Variants in TNMD observed in about 807,000 individuals in gnomAD.
The protein encoded by TNMD is BRICHOS domain containing 4.
In TNMD, 15 loss-of-function variants were observed where a neutral mutation model predicts 26.9. The observed-to-expected ratio is 0.56, with a 90% CI of 0.37 to 0.86. The LOEUF (loss-of-function observed/expected upper bound fraction) is 0.86. TNMD is among the 40% of genes least tolerant of loss of function. TNMD has a pLI of 0.00. For missense variants in TNMD, 222 were observed against 242.6 expected (o/e 0.92, Z 0.56); for synonymous variants, 73 against 77.0 (o/e 0.95, Z 0.27).
At chrX:100,589,219 G>A (rs1168990202) in intron 2 of TNMD, among the ~76,000 whole-genome samples, 1 of 110,757 alleles carries the variant, frequency 9.0e-6, no homozygotes, top group Non-Finnish European at 1.9e-5. Context: ...AGGTCCCCTG[G>A]GCTTTCCTAC....
Position 100,599,555 on chromosome X carries a change from T to C in TNMD, c.792T>C (p.Tyr264=). The C allele has an allele frequency of 8.3e-7, 1 of 1,210,474 alleles. No homozygotes were observed. The highest frequency in any genetic ancestry group is 1.1e-6 in the Non-Finnish European group (1 of 894,992). Residue 264 remains tyrosine (Y), a synonymous_variant, in exon 7 of 7, where the codon TAT becomes TAC. Coordinates refer to ENST00000373031, the MANE Select transcript of TNMD (RefSeq NM_022144.3). ...ATCCCATGCTGGATGAGAGAGGTTATTGTTGTATTTACTGCCGTCGAGGCA... is the reference window on the plus strand; with the variant it reads ...ATCCCATGCTGGATGAGAGAGGTTACTGTTGTATTTACTGCCGTCGAGGCA... ...EFDPMLDERG[Y]CCIYCRRGNR... is the part of the protein sequence containing the mutation.
Position 100,588,062 on chromosome X carries a change from C to T in TNMD, c.180+2700C>T, listed in dbSNP as rs186089429. Among the ~76,000 whole-genome samples, 9 of 111,776 alleles carry T rather than the reference C, an allele frequency of 8.1e-5. No homozygotes were observed. In the East Asian group the frequency reaches 1.1e-3, roughly 14 times the overall value. The stretch of plus-strand genomic sequence containing the variant: ...GTGTTTGCTCTCCTAGCCTCCACCA[C>T]GCCTCCTTTTTATTTTGTCTTTCAA... On this transcript the variant is annotated intron_variant, in intron 2 of 6. Transcript: ENST00000373031.
chrX:100,586,023 G>A (rs986769984), intron 2 of TNMD, among the ~76,000 whole-genome samples: 2 of 111,954 alleles, frequency 1.8e-5, no homozygotes, highest in Non-Finnish European at 3.8e-5. Flanking sequence ...GGGTCATTTG[G>A]TGAAGCTTGG....
rs757895293 is a variant in TNMD at position 100,599,070 on chromosome X, A to G, written c.632A>G (p.Asn211Ser). Residue 211 changes from asparagine to serine, a missense_variant, in exon 6 of 7, where the codon AAC becomes AGC. Coordinates refer to ENST00000373031, the MANE Select transcript of TNMD (RefSeq NM_022144.3). Reference sequence around the variant, plus strand: ...GGAGAAGATCTTCACTTTCCTGCCAACGAAAAAAAAGGGATTGAACAAAAT... The same window carrying G: ...GGAGAAGATCTTCACTTTCCTGCCAGCGAAAAAAAAGGGATTGAACAAAAT... ...EEGEDLHFPA[N>S]EKKGIEQNEQ... is the part of the protein sequence containing the mutation. The G allele has an allele frequency of 2.5e-6, 3 of 1,205,964 alleles. No individual in the cohort carries two copies. The highest frequency in any genetic ancestry group is 3.6e-5 in the South Asian group (2 of 55,868).
At chrX:100,599,205 C>T in intron 6 of TNMD, 23 bp downstream of exon 6, 1 of 1,129,633 alleles carries the variant, frequency 8.9e-7, no homozygotes, top group Non-Finnish European at 1.2e-6. Context: ...TATGTAAACT[C>T]TTGATAGAGG....
intron 2 of TNMD, among the ~76,000 whole-genome samples, chrX:100,588,305 GACACAC>G (rs772320493): frequency 1.9e-5 from 2 of 106,651 alleles, no homozygotes; most frequent in African/African-American, 3.4e-5. Context: ...CACACACACA[GACACAC>G]ACACACACAC....
intron 4 of TNMD, among the ~76,000 whole-genome samples, chrX:100,594,702 G>A (rs961874206): frequency 6.3e-5 from 7 of 111,842 alleles, no homozygotes; most frequent in African/African-American, 2.3e-4. Context: ...TCTAGTAAGA[G>A]GGATGAGCCA....
Position 100,585,316 on chromosome X carries a change from T to C in TNMD, c.134T>C (p.Val45Ala), listed in dbSNP as rs1569341304. The C allele has an allele frequency of 1.7e-6, 2 of 1,209,443 alleles. No individual in the cohort carries two copies. The highest frequency in any genetic ancestry group is 2.2e-6 in the Non-Finnish European group (2 of 894,864). The change falls in exon 2 of 7, where the codon GTC becomes GCC. Residue 45 changes from valine (V) to alanine (A), a missense_variant. By Grantham distance (64) the Val-to-Ala change is moderately conservative. Transcript: ENST00000373031. Reference protein sequence around the residue: ...VFGILALTLIVLFWGSKHFWP... With the variant: ...VFGILALTLIALFWGSKHFWP... Reference sequence around the variant, plus strand: ...GGTATCCTGGCCCTAACTCTAATTGTCCTGTTTTGGGGGAGCAAGCACTTC... The same window carrying C: ...GGTATCCTGGCCCTAACTCTAATTGCCCTGTTTTGGGGGAGCAAGCACTTC...
chrX:100,596,628 C>T (rs2082953797), intron 4 of TNMD, among the ~76,000 whole-genome samples: 1 of 111,329 alleles, frequency 9.0e-6, no homozygotes, highest in Admixed American at 9.6e-5. Context: ...ATAAATAGCC[C>T]TGATTTTGCT....
intron 4 of TNMD, 96 bp downstream of exon 4, chrX:100,594,458 T>C (rs1046531465): frequency 4.1e-6 from 2 of 493,043 alleles, no homozygotes; most frequent in South Asian, 4.9e-5. Context: ...TTTTCTTTGA[T>C]TCTCCAACAA....
intron 5 of TNMD, 34 bp from the exon 6 acceptor site, chrX:100,598,982 C>G (rs966801601): frequency 4.4e-6 from 5 of 1,131,799 alleles, no homozygotes; most frequent in Non-Finnish European, 5.9e-6. Context: ...ATTTGCAAAG[C>G]AGTTGCATCA....
chrX:100,597,369 A>T, intron 4 of TNMD, 135 bp from the exon 5 acceptor site: 1 of 732,063 alleles, frequency 1.4e-6, no homozygotes, highest in Non-Finnish European at 2.0e-6. Flanking sequence ...TGCAAGGCAC[A>T]GAGCTAGTTC....
At chrX:100,598,529 G>A (rs1355237151) in intron 5 of TNMD, among the ~76,000 whole-genome samples, 1 of 111,685 alleles carries the variant, frequency 9.0e-6, no homozygotes, top group East Asian at 2.8e-4. Flanking sequence ...AGGGGAAACC[G>A]GGTGAAGAAT....
At chrX:100,586,254 G>A (rs1321502059) in intron 2 of TNMD, among the ~76,000 whole-genome samples, 1 of 112,482 alleles carries the variant, frequency 8.9e-6, no homozygotes, top group Non-Finnish European at 1.9e-5. Context: ...TTTTCTGTTG[G>A]TGTGTGGATT....
intron 2 of TNMD, 44 bp from the exon 3 acceptor site, chrX:100,593,851 G>C (rs373430804): frequency 8.4e-6 from 10 of 1,192,209 alleles, no homozygotes; most frequent in Non-Finnish European, 1.1e-5. Context: ...TCACTTTAGG[G>C]ACACACTGAG....
At chrX:100,588,772 C>T (rs1270185903) in intron 2 of TNMD, among the ~76,000 whole-genome samples, 2 of 112,002 alleles carry the variant, frequency 1.8e-5, no homozygotes, top group Non-Finnish European at 3.8e-5. Context: ...CCCTGCCAAT[C>T]CTTTGTGGAG....
At chrX:100,585,461 T>C in intron 2 of TNMD, 99 bp downstream of exon 2, 6 of 900,577 alleles carry the variant, frequency 6.7e-6, no homozygotes, top group Middle Eastern at 3.0e-4. Context: ...AATCATTAAG[T>C]CTCTTTTGTG....
Position 100,599,698 on chromosome X carries a change from G to C in TNMD, c.935G>C (p.Arg312Pro). Residue 312 changes from arginine (R) to proline (P), a missense_variant, in exon 7 of 7, where the codon CGC becomes CCC. Physicochemically the swap from Arg to Pro is moderately radical, Grantham distance 103 (BLOSUM62 -2). Coordinates refer to ENST00000373031, the MANE Select transcript of TNMD (RefSeq NM_022144.3). ...VIMPCNWWVA[R>P]MLGRV Reference sequence around the variant, plus strand: ...ATGCCTTGTAACTGGTGGGTGGCCCGCATGCTGGGGAGGGTCTAATAGGAG... The same window carrying C: ...ATGCCTTGTAACTGGTGGGTGGCCCCCATGCTGGGGAGGGTCTAATAGGAG... The C allele has an allele frequency of 3.3e-6, 4 of 1,210,732 alleles. No homozygotes were observed. The highest frequency in any genetic ancestry group is 4.5e-6 in the Non-Finnish European group (4 of 894,998).
chrX:100,593,315 G>C, intron 2 of TNMD: 2 of 751,371 alleles, frequency 2.7e-6, no homozygotes, highest in Non-Finnish European at 3.1e-6. Context: ...AAACTGGGTG[G>C]GGTTGGTTGC....
Sources: allele counts gnomAD v4.1 joint callset (sites outside exome capture counted in the v4.1 genomes callset), GRCh38; gene constraint gnomAD v4.1.1; transcripts MANE v1.5; gene names NCBI Gene and HGNC (gene_info 2026-07-23, HGNC 2026-07-21).